The following USP45 variants were observed in gnomAD, a reference collection of about 807,000 sequenced individuals.
USP45 encodes ubiquitin carboxyl-terminal hydrolase 45.
In USP45, 89 loss-of-function variants were observed where a neutral mutation model predicts 95.8. The observed-to-expected ratio is 0.93, with a 90% CI of 0.78 to 1.11. The LOEUF (loss-of-function observed/expected upper bound fraction) is 1.11. Among genes scored for constraint, USP45 ranks in the 50% least tolerant of loss-of-function variants. The pLI is 0.00. For missense variants in USP45, 898 were observed against 942.5 expected (o/e 0.95, Z 0.62); for synonymous variants, 281 against 316.2 (o/e 0.89, Z 1.18).
chr6:99,461,904 G>C (rs1786540829), intron 13 of USP45: 7 of 984,946 alleles, frequency 7.1e-6, no homozygotes, highest in Admixed American at 6.2e-5. Flanking sequence ...AGTACTGAAA[G>C]TAGTTAACTA....
intron 5 of USP45, among the ~76,000 whole-genome samples, chr6:99,493,151 C>T (rs796470066): frequency 1.2e-4 from 18 of 151,766 alleles, no homozygotes; most frequent in African/African-American, 4.4e-4. Flanking sequence ...CTCAGCCTCC[C>T]GAGTAACTGG....
chr6:99,503,759 A>C lies in USP45; in HGVS notation c.478+6T>G. ...CACAGATTCCTTTAGTCATCGCTTA[A>C]CTTACTTGTTTGTGTTTTAGAAGCA... On this transcript the variant is annotated splice_donor_region_variant and intron_variant, in intron 5 of 17. Transcript: ENST00000500704. 6.4e-7 allele frequency: 1 copy of C among 1,566,398 alleles called. No homozygotes were observed. The highest frequency in any genetic ancestry group is 2.3e-5 in the East Asian group (1 of 44,150).
intron 8 of USP45, among the ~76,000 whole-genome samples, chr6:99,479,006 C>T (rs1243726281): frequency 7.5e-6 from 1 of 132,476 alleles, no homozygotes; most frequent in South Asian, 2.9e-4. Flanking sequence ...TAATCTATTG[C>T]AACAACAAAA....
At chr6:99,456,087 C>T (rs964558581) in intron 13 of USP45, among the ~76,000 whole-genome samples, 3 of 135,128 alleles carry the variant, frequency 2.2e-5, no homozygotes, top group South Asian at 2.4e-4. Flanking sequence ...GAGCCAAGAT[C>T]GCGCCACTGT....
At chr6:99,514,810 C>T (rs1233831152) in intron 1 of USP45, 1 of 152,202 alleles carries the variant, frequency 6.6e-6, no homozygotes, top group Non-Finnish European at 1.5e-5. Flanking sequence ...ACGCTCAGTT[C>T]TAAGCACTTC....
chr6:99,449,999 C>A (rs183946480), intron 13 of USP45, among the ~76,000 whole-genome samples: 80 of 152,268 alleles, frequency 5.3e-4, no homozygotes, highest in African/African-American at 1.9e-3. Flanking sequence ...AAAGACACAA[C>A]ATACCAGAAT....
intron 13 of USP45, chr6:99,462,598 T>C (rs1786739184): frequency 1.0e-6 from 1 of 985,398 alleles, no homozygotes; most frequent in African/African-American, 1.7e-5. Context: ...CCTATATATC[T>C]TATGAAGCAA....
At chr6:99,467,660 G>A (rs998826156) in intron 10 of USP45, among the ~76,000 whole-genome samples, 1 of 152,062 alleles carries the variant, frequency 6.6e-6, no homozygotes, top group East Asian at 1.9e-4. Context: ...TACAAAACTG[G>A]AAAGAGGGGG....
chr6:99,513,313 T>C lies in USP45; in HGVS notation c.-11+2079A>G, dbSNP rs138933562. Among the ~76,000 whole-genome samples the C allele has an allele frequency of 2.2e-3, 339 of 152,264 alleles. 3 individuals carry two copies. The highest frequency in any genetic ancestry group is 7.8e-3 in the African/African-American group (324 of 41,544). On this transcript the variant is annotated intron_variant, in intron 1 of 17. Coordinates refer to ENST00000500704, the MANE Select transcript of USP45 (RefSeq NM_001346022.3). ...AACTTACATACTATCCACAGAGCCA[T>C]TTCAAATCTTCTTCACTTTCCTCAA...
chr6:99,468,495 T>C, intron 10 of USP45, 42 bp downstream of exon 10: 1 of 1,281,884 alleles, frequency 7.8e-7, no homozygotes, highest in South Asian at 1.3e-5. Context: ...AAAATTTTAA[T>C]ATTTTCTTAA....
rs147523091 is a variant in USP45 at position 99,446,927 on chromosome 6, A to G, written c.1309-464T>C. On this transcript the variant is annotated intron_variant, in intron 13 of 17. Transcript: ENST00000500704. ...CCTGGCTAATTTTTTAATTTTTTGT[A>G]GAGATAAAGTCTCGCCATGTTGCTT... Among the ~76,000 whole-genome samples the G allele has an allele frequency of 3.6e-3, 548 of 152,316 alleles. 5 individuals carry two copies. The highest frequency in any genetic ancestry group is 0.012 in the African/African-American group (503 of 41,566).
intron 13 of USP45, among the ~76,000 whole-genome samples, chr6:99,457,693 T>C (rs1464298451): frequency 6.6e-6 from 1 of 152,190 alleles, no homozygotes; most frequent in Non-Finnish European, 1.5e-5. Context: ...CTAATTCTGA[T>C]TGAATAGTTT....
chr6:99,438,171 C>A (rs746820312), intron 16 of USP45, among the ~76,000 whole-genome samples: 2 of 152,186 alleles, frequency 1.3e-5, no homozygotes, highest in East Asian at 3.9e-4. Context: ...GATGCATCCA[C>A]ACAATAGAGT....
At chr6:99,510,775 G>C (rs533067818) in intron 1 of USP45, among the ~76,000 whole-genome samples, 1 of 152,130 alleles carries the variant, frequency 6.6e-6, no homozygotes, top group African/African-American at 2.4e-5. Context: ...ATAATAATTT[G>C]CTATACCAGG....
chr6:99,442,509 A>G (rs1257980684), intron 15 of USP45, among the ~76,000 whole-genome samples: 1 of 152,210 alleles, frequency 6.6e-6, no homozygotes, highest in Admixed American at 6.5e-5. Context: ...TTCCTTCTTA[A>G]GGTTTTATAT....
intron 13 of USP45, among the ~76,000 whole-genome samples, chr6:99,458,146 A>C (rs1217589734): frequency 1.3e-5 from 2 of 152,034 alleles, no homozygotes; most frequent in East Asian, 3.9e-4. Context: ...TCAACCTCCC[A>C]AGGAGCTGGA....
At chr6:99,500,647 A>G (rs1336814213) in intron 5 of USP45, among the ~76,000 whole-genome samples, 1 of 152,180 alleles carries the variant, frequency 6.6e-6, no homozygotes, top group East Asian at 1.9e-4. Flanking sequence ...ATTATGGCCA[A>G]TGAAACTTAA....
intron 15 of USP45, among the ~76,000 whole-genome samples, chr6:99,442,746 C>G (rs774404236): frequency 6.6e-6 from 1 of 152,030 alleles, no homozygotes; most frequent in Non-Finnish European, 1.5e-5. Flanking sequence ...ACTTGGGAGG[C>G]TGAAGCAGGA....
intron 15 of USP45, among the ~76,000 whole-genome samples, chr6:99,441,999 A>C (rs1781614146): frequency 6.6e-6 from 1 of 152,226 alleles, no homozygotes; most frequent in African/African-American, 2.4e-5. Flanking sequence ...AATGAACTAG[A>C]AACACAGGCA....
Sources: allele counts gnomAD v4.1 joint callset (sites outside exome capture counted in the v4.1 genomes callset), GRCh38; gene constraint gnomAD v4.1.1; transcripts MANE v1.5; gene names NCBI Gene and HGNC (gene_info 2026-07-23, HGNC 2026-07-21).